The following PKHD1 variants were observed in gnomAD, a reference collection of about 807,000 sequenced individuals.
PKHD1 encodes fibrocystin.
In PKHD1, 291 loss-of-function variants were observed where a neutral mutation model predicts 412.0. The observed-to-expected ratio is 0.71, with a 90% CI of 0.64 to 0.78. The LOEUF (loss-of-function observed/expected upper bound fraction) is 0.78, where lower values mean the gene tolerates loss of function less well. PKHD1 is among the 30% of genes least tolerant of loss of function. PKHD1 has a pLI of 0.00. For missense variants in PKHD1, 4,825 were observed against 4,950.7 expected (o/e 0.97, Z 0.76); for synonymous variants, 1,777 against 1,821.5 (o/e 0.98, Z 0.62).
At chr6:51,809,955 C>T (rs1764444965) in intron 52 of PKHD1, among the ~76,000 whole-genome samples, 2 of 150,876 alleles carry the variant, frequency 1.3e-5, no homozygotes, top group South Asian at 4.2e-4. Context: ...TTTTCATGTA[C>T]TATTGCATTG....
At chr6:51,743,998 C>T (rs775052091) in intron 60 of PKHD1, among the ~76,000 whole-genome samples, 21 of 152,118 alleles carry the variant, frequency 1.4e-4, no homozygotes, top group Non-Finnish European at 2.4e-4. Flanking sequence ...TAAGTCCTGA[C>T]AGAAAAGAAA....
chr6:51,822,317 T>C lies in PKHD1; in HGVS notation c.8302+8544A>G, dbSNP rs565150832. 2.0e-5 allele frequency among the ~76,000 whole-genome samples: 3 copies of C among 152,272 alleles called. No individual in the cohort carries two copies. In the East Asian group the frequency reaches 5.8e-4, roughly 29 times the overall value. The stretch of plus-strand genomic sequence containing the variant: ...TTAGTGGGAGCCTGCACAGAGGATA[T>C]AGTTTATTCTCAAGCAATTTCCAAA... On this transcript the variant is annotated intron_variant, in intron 52 of 66. Coordinates refer to ENST00000371117, the MANE Select transcript of PKHD1 (RefSeq NM_138694.4).
intron 37 of PKHD1, among the ~76,000 whole-genome samples, chr6:51,924,997 G>A (rs577775899): frequency 6.6e-6 from 1 of 152,318 alleles, no homozygotes; most frequent in African/African-American, 2.4e-5. Flanking sequence ...CCGTTTTATA[G>A]ATGTGGGAAC....
intron 51 of PKHD1, among the ~76,000 whole-genome samples, chr6:51,831,191 C>T (rs2151513686): frequency 6.6e-6 from 1 of 152,048 alleles, no homozygotes; most frequent in African/African-American, 2.4e-5. Context: ...GAAAAAAATC[C>T]CACTTTTGTT....
At chr6:51,648,391 T>C (rs1770410769) in intron 62 of PKHD1, among the ~76,000 whole-genome samples, 1 of 152,108 alleles carries the variant, frequency 6.6e-6, no homozygotes, top group Non-Finnish European at 1.5e-5. Context: ...AGAATGGTAC[T>C]ATGTGCTGAA....
At chr6:51,974,306 A>C (rs1794074088) in intron 35 of PKHD1, among the ~76,000 whole-genome samples, 1 of 152,114 alleles carries the variant, frequency 6.6e-6, no homozygotes, top group Non-Finnish European at 1.5e-5. Flanking sequence ...TTACCTTCTT[A>C]CTCCCTTCTT....
chr6:51,966,853 G>C (rs1341023753), intron 35 of PKHD1, among the ~76,000 whole-genome samples: 2 of 151,878 alleles, frequency 1.3e-5, no homozygotes, highest in Non-Finnish European at 2.9e-5. Flanking sequence ...GGTAGGAAGA[G>C]CTATTTGATA....
chr6:51,732,894 T>A (rs1783393027), intron 60 of PKHD1, among the ~76,000 whole-genome samples: 1 of 152,216 alleles, frequency 6.6e-6, no homozygotes, highest in African/African-American at 2.4e-5. Flanking sequence ...CAGGTGTCCA[T>A]GGGTGGATGA....
At chr6:51,837,707 G>GA (rs1027621542) in intron 50 of PKHD1, among the ~76,000 whole-genome samples, 43 of 148,640 alleles carry the variant, frequency 2.9e-4, no homozygotes, top group African/African-American at 9.0e-4. Context: ...ACTCTGTCTT[G>GA]AAAAAACTAA....
chr6:51,646,015 T>G (rs1581814823), intron 63 of PKHD1, among the ~76,000 whole-genome samples: 1 of 152,318 alleles, frequency 6.6e-6, no homozygotes, highest in East Asian at 1.9e-4. Flanking sequence ...CTTTTTAAAT[T>G]TTCTCATTGA....
At chr6:51,990,261 C>T (rs866057216) in intron 35 of PKHD1, among the ~76,000 whole-genome samples, 1 of 152,032 alleles carries the variant, frequency 6.6e-6, no homozygotes, top group Admixed American at 6.5e-5. Context: ...TAGCCTGACA[C>T]GAGCTGGGGT....
At chr6:51,696,421 C>G (rs1582136525) in intron 60 of PKHD1, among the ~76,000 whole-genome samples, 1 of 152,082 alleles carries the variant, frequency 6.6e-6, no homozygotes, top group East Asian at 1.9e-4. Context: ...ATGAATATCA[C>G]CCAACTAAGC....
intron 60 of PKHD1, among the ~76,000 whole-genome samples, chr6:51,685,264 G>T (rs1465711983): frequency 6.6e-6 from 1 of 151,788 alleles, no homozygotes; most frequent in Non-Finnish European, 1.5e-5. Flanking sequence ...CTTCAACCTC[G>T]TTATTCTTAT....
chr6:51,674,391 G>T (rs1775503756), intron 60 of PKHD1, among the ~76,000 whole-genome samples: 2 of 152,088 alleles, frequency 1.3e-5, no homozygotes, highest in South Asian at 4.1e-4. Context: ...ACATAAGGTT[G>T]GTGGTCCTTC....
chr6:51,866,045 G>GTGC (rs1238242861), intron 48 of PKHD1, among the ~76,000 whole-genome samples: 2 of 151,910 alleles, frequency 1.3e-5, no homozygotes, highest in African/African-American at 2.4e-5. Context: ...AAAATCCCTG[G>GTGC]TGCTGCTGCT....
intron 36 of PKHD1, among the ~76,000 whole-genome samples, chr6:51,945,630 T>C (rs997453119): frequency 6.6e-6 from 1 of 152,242 alleles, no homozygotes; most frequent in African/African-American, 2.4e-5. Context: ...CAGGAATTCA[T>C]ATAAGACTAC....
rs773792390 is a variant in PKHD1 at position 51,904,062 on chromosome 6, T to C, written c.6809-20A>G. On this transcript the variant is annotated intron_variant, in intron 41 of 66. Coordinates refer to ENST00000371117, the MANE Select transcript of PKHD1 (RefSeq NM_138694.4). ...ATGTCCCTGAGAACAAAAGACCCCA[T>C]TACTTGAGTATATTTTATGTCACTT... The C allele has an allele frequency of 9.8e-6, 15 of 1,523,636 alleles. No individual in the cohort carries two copies. Among genetic ancestry groups the C allele is most frequent in the African/African-American group, 1.4e-5 (1 of 72,924 alleles). The allele number at this position is 1,523,636 out of a possible 1,614,324, so 94.4% of individuals were successfully genotyped here. A position where few individuals can be genotyped will look rare whatever the true frequency, so the allele number is the denominator to read the frequency against.
At chr6:51,837,864 T>C (rs1008368113) in intron 50 of PKHD1, among the ~76,000 whole-genome samples, 1 of 152,206 alleles carries the variant, frequency 6.6e-6, no homozygotes, top group Admixed American at 6.5e-5. Flanking sequence ...ATGTAAAGCA[T>C]GAGTTTGTGT....
intron 52 of PKHD1, among the ~76,000 whole-genome samples, chr6:51,806,963 G>C (rs1169454368): frequency 6.6e-6 from 1 of 152,078 alleles, no homozygotes; most frequent in Non-Finnish European, 1.5e-5. Context: ...ACATATACTT[G>C]TCTCCTTTAA....
Sources: gnomAD v4.1 joint callset for allele counts (sites outside exome capture counted in the v4.1 genomes callset) on GRCh38, gnomAD v4.1.1 for gene constraint, MANE v1.5 for transcripts, NCBI Gene and HGNC (gene_info 2026-07-23, HGNC 2026-07-21) for gene names.